CCDC34: variants seen among roughly 807,000 people sequenced by gnomAD.
CCDC34 encodes the protein coiled-coil domain-containing protein 34.
Under a neutral mutation model 44.1 loss-of-function variants are expected in CCDC34, and 40 were observed. The ratio of observed to expected loss-of-function variants is 0.91; its 90% confidence interval spans 0.70 to 1.18. The LOEUF (loss-of-function observed/expected upper bound fraction) is 1.18, where lower values mean the gene tolerates loss of function less well. Among genes scored for constraint, CCDC34 ranks in the 50% most tolerant of loss-of-function variants. The probability of loss-of-function intolerance (pLI) is 0.00; values close to 1 mark genes in which losing one functional copy is unlikely to be tolerated. For missense variants in CCDC34, 466 were observed against 452.3 expected (o/e 1.03, Z -0.28); for synonymous variants, 159 against 158.2 (o/e 1.01, Z -0.04).
At chr11:27,350,494 T>C in intron 2 of CCDC34, 55 bp from the exon 3 acceptor site, 2 of 1,482,270 alleles carry the variant, frequency 1.3e-6, no homozygotes, top group Non-Finnish European at 1.8e-6. Context: ...CCAAATAACA[T>C]ACATTTTAAA....
At chr11:27,358,918 C>CCTAG (rs1393938193) in intron 1 of CCDC34, among the ~76,000 whole-genome samples, 2 of 151,616 alleles carry the variant, frequency 1.3e-5, no homozygotes, top group Non-Finnish European at 2.9e-5. Flanking sequence ...AGCCAGAAGC[C>CCTAG]CTAGCTCTTT....
intron 3 of CCDC34, 197 bp downstream of exon 3, chr11:27,350,135 G>C (rs1334272811): frequency 1.4e-6 from 2 of 1,446,880 alleles, no homozygotes; most frequent in African/African-American, 2.9e-5. Flanking sequence ...GCCACAGGAG[G>C]GAAAAAGGAG....
chr11:27,350,823 T>C (rs780168974), intron 2 of CCDC34, among the ~76,000 whole-genome samples: 1 of 152,172 alleles, frequency 6.6e-6, no homozygotes, highest in African/African-American at 2.4e-5. Flanking sequence ...TCTGGATTCC[T>C]GATGAAGATA....
In CCDC34 at chr11:27,341,458, T is replaced by A. The variant is rs140981229; in HGVS notation, c.699A>T (p.Lys233Asn). 884 of 1,466,232 alleles carry A rather than the reference T, an allele frequency of 6.0e-4. No individual in the cohort carries two copies. Among genetic ancestry groups the A allele is most frequent in the Non-Finnish European group, 7.5e-4 (811 of 1,083,230 alleles). 90.8% of individuals were successfully genotyped at this position (1,466,232 alleles called of 1,614,324 possible). The change falls in exon 4 of 6, where the codon AAA becomes AAT. Residue 233 changes from lysine (K) to asparagine (N), a missense_variant. Lys to Asn is a moderately conservative substitution (Grantham distance 94). Coordinates refer to ENST00000328697, the MANE Select transcript of CCDC34 (RefSeq NM_030771.2). Reference sequence around the variant, plus strand: ...TCTTTAACCATTCTTGATATTTTTCTTTTGCTTTTTCTTGCAAGTATTCTT... The same window carrying A: ...TCTTTAACCATTCTTGATATTTTTCATTTGCTTTTTCTTGCAAGTATTCTT... Reference protein sequence around the residue: ...LEKEYLQEKAKEKYQEWLKKK... With the variant: ...LEKEYLQEKANEKYQEWLKKK...
rs1272801251 is a variant in CCDC34 at position 27,357,487 on chromosome 11, T to C, written c.414A>G (p.Pro138=). 6.2e-7 allele frequency: 1 copy of C among 1,614,106 alleles called. No individual in the cohort carries two copies. Among genetic ancestry groups the C allele is most frequent in the Non-Finnish European group, 8.5e-7 (1 of 1,179,968 alleles). The part of the protein sequence containing the change: ...NQEEQKQVRL[P]ESRLTPWEVW... The stretch of plus-strand genomic sequence containing the variant: ...CCTCCCATGGTGTCAGGCGGCTTTC[T>C]GGTAAGCGCACCTGTTTCTGTTCTT... Residue 138 remains proline (P), a synonymous_variant, in exon 2 of 6, where the codon CCA becomes CCG. Coordinates refer to ENST00000328697, the MANE Select transcript of CCDC34 (RefSeq NM_030771.2).
At chr11:27,348,626 C>G (rs1158175271) in intron 3 of CCDC34, among the ~76,000 whole-genome samples, 1 of 152,064 alleles carries the variant, frequency 6.6e-6, no homozygotes, top group African/African-American at 2.4e-5. Flanking sequence ...ATAGCAGCCA[C>G]AGATACAGCT....
chr11:27,361,493 G>A (rs958320615), intron 1 of CCDC34, among the ~76,000 whole-genome samples: 2 of 152,060 alleles, frequency 1.3e-5, no homozygotes, highest in Non-Finnish European at 2.9e-5. Context: ...ACCTACAAAG[G>A]CCCAGATGAA....
chr11:27,350,407 T>G lies in CCDC34; in HGVS notation c.531A>C (p.Glu177Asp), dbSNP rs764177079. The change falls in exon 3 of 6, where the codon GAA becomes GAC. Residue 177 changes from glutamate to aspartate, a missense_variant. Physicochemically the swap from Glu to Asp is conservative, Grantham distance 45. Coordinates refer to ENST00000328697, the MANE Select transcript of CCDC34 (RefSeq NM_030771.2). ...ELNQQLEKRK[E>D]MEEREKRKII... ...TCTTTCTTTTTTCACGTTCTTCCAT[T>G]TCTTTTCTTTTTTCTAGTTGTTGAT... 6.2e-7 allele frequency: 1 copy of G among 1,610,088 alleles called. No individual in the cohort carries two copies. The highest frequency in any genetic ancestry group is 1.1e-5 in the South Asian group (1 of 90,172).
At chr11:27,345,378 GC>G (rs1483929380) in intron 3 of CCDC34, among the ~76,000 whole-genome samples, 1 of 152,156 alleles carries the variant, frequency 6.6e-6, no homozygotes, top group East Asian at 1.9e-4. Context: ...TTGGTGTGCT[GC>G]ACCCATTAAC....
chr11:27,359,592 C>A (rs923297128), intron 1 of CCDC34, among the ~76,000 whole-genome samples: 4 of 151,998 alleles, frequency 2.6e-5, no homozygotes, highest in Admixed American at 2.6e-4. Context: ...TGGTTCACAC[C>A]ATTCTCCTGC....
intron 2 of CCDC34, among the ~76,000 whole-genome samples, chr11:27,352,153 C>T (rs946908958): frequency 2.0e-5 from 3 of 152,062 alleles, no homozygotes; most frequent in Non-Finnish European, 4.4e-5. Context: ...GAAGCTGAAG[C>T]GGATGGATCA....
intron 3 of CCDC34, among the ~76,000 whole-genome samples, chr11:27,348,220 C>T (rs1177876087): frequency 6.6e-6 from 1 of 152,060 alleles, no homozygotes; most frequent in Non-Finnish European, 1.5e-5. Flanking sequence ...GTGCCTCGCA[C>T]ACAGTAAAAG....
At chr11:27,357,360 G>T (rs779344286) in intron 2 of CCDC34, 43 bp downstream of exon 2, 1 of 1,568,394 alleles carries the variant, frequency 6.4e-7, no homozygotes, top group Admixed American at 1.8e-5. Flanking sequence ...GCTCTACTTT[G>T]TGAGCTCACA....
At chr11:27,359,484 TTTC>T (rs1024623763) in intron 1 of CCDC34, among the ~76,000 whole-genome samples, 2 of 141,682 alleles carry the variant, frequency 1.4e-5, no homozygotes, top group Non-Finnish European at 3.2e-5. Context: ...GTACATTTTT[TTTC>T]TTTTTTTTTT....
At chr11:27,359,920 A>G (rs552393023) in intron 1 of CCDC34, among the ~76,000 whole-genome samples, 1 of 152,330 alleles carries the variant, frequency 6.6e-6, no homozygotes, top group South Asian at 2.1e-4. Flanking sequence ...GCCACAGGTC[A>G]TGAGTTCCTT....
chr11:27,340,836 T>G lies in CCDC34; in HGVS notation c.767A>C (p.Glu256Ala). 1 of 1,611,506 alleles carries G rather than the reference T, an allele frequency of 6.2e-7. No individual in the cohort carries two copies. Among genetic ancestry groups the G allele is most frequent in the South Asian group, 1.1e-5 (1 of 90,436 alleles). The change falls in exon 5 of 6, where the codon GAA becomes GCA. Residue 256 changes from glutamate (E) to alanine (A), a missense_variant and splice_region_variant. By Grantham distance (107) the Glu-to-Ala change is moderately radical (BLOSUM62 -1). Transcript: ENST00000328697. ...EECERKKKEKEKEKQQQAEIQ... is the reference protein window; with the variant it reads ...EECERKKKEKAKEKQQQAEIQ... Reference sequence around the variant, plus strand: ...TTCAGCTTGCTGTTGTTTTTCTTTTTCCTTAAAATGACAAGACCAAAATAT... The same window carrying G: ...TTCAGCTTGCTGTTGTTTTTCTTTTGCCTTAAAATGACAAGACCAAAATAT...
Position 27,362,827 on chromosome 11 carries a change from C to T in CCDC34, c.359+9G>A. ...AAGGGCTGAATCGGCCGGGCGGCCT[C>T]GGGTTTACCTGGCGCACCCCTGTAA... On this transcript the variant is annotated intron_variant, in intron 1 of 5. Transcript: ENST00000328697. The T allele has an allele frequency of 1.9e-6, 3 of 1,611,040 alleles. No individual in the cohort carries two copies. Among genetic ancestry groups the T allele is most frequent in the Non-Finnish European group, 2.5e-6 (3 of 1,177,856 alleles).
At chr11:27,358,886 T>G (rs975857346) in intron 1 of CCDC34, among the ~76,000 whole-genome samples, 8 of 151,398 alleles carry the variant, frequency 5.3e-5, no homozygotes, top group African/African-American at 1.7e-4. Context: ...GTGAATGTTA[T>G]CACCCTCCAG....
intron 4 of CCDC34, 105 bp from the exon 5 acceptor site, chr11:27,340,942 C>A (rs1335545883): frequency 1.0e-6 from 1 of 959,696 alleles, no homozygotes; most frequent in Non-Finnish European, 1.6e-6. Flanking sequence ...ACCCCAATGG[C>A]TTACTGGCCA....
Sources: gnomAD v4.1 joint callset for allele counts (sites outside exome capture counted in the v4.1 genomes callset) on GRCh38, gnomAD v4.1.1 for gene constraint, MANE v1.5 for transcripts, NCBI Gene and HGNC (gene_info 2026-07-23, HGNC 2026-07-21) for gene names.